HLCS: variants seen among roughly 807,000 people sequenced by gnomAD.
HLCS encodes holocarboxylase synthetase.
HLCS carries 53 observed loss-of-function variants against 75.0 expected under a neutral mutation model. That is an observed-to-expected ratio of 0.71 (90% CI 0.57 to 0.89). HLCS has a LOEUF of 0.89. Among genes scored for constraint, HLCS ranks in the 40% least tolerant of loss-of-function variants. HLCS has a pLI of 0.00. For synonymous variants in HLCS, 431 were observed against 428.6 expected, an observed-to-expected ratio of 1.01 and a Z score of -0.07; for missense variants, 966 against 1,074.0, an observed-to-expected ratio of 0.90 and a Z score of 1.41.
At chr21:36,928,285 A>G (rs939602496) in intron 5 of HLCS, among the ~76,000 whole-genome samples, 2 of 152,232 alleles carry the variant, frequency 1.3e-5, no homozygotes, top group Non-Finnish European at 2.9e-5. Flanking sequence ...GTTAATAAAC[A>G]TTAAGAGGCC....
chr21:36,936,828 A>G lies in HLCS; in HGVS notation c.1058T>C (p.Leu353Pro), dbSNP rs750774496. The change falls in exon 4 of 11, where the codon CTC becomes CCC. Residue 353 changes from leucine (L) to proline (P), a missense_variant. By Grantham distance (98) the Leu-to-Pro change is moderately conservative (BLOSUM62 -3). Transcript: ENST00000674895. ...ILYHLLEDSALRDPWTDNCLL... is the reference protein window; with the variant it reads ...ILYHLLEDSAPRDPWTDNCLL... ...ACAGTTGTCCGTCCACGGGTCTCTG[A>G]GAGCACTGTCCTCCAGCAGGTGGTA... 12 of 1,614,188 alleles carry G rather than the reference A, an allele frequency of 7.4e-6. No individual in the cohort carries two copies. In the Admixed American group the frequency reaches 1.7e-4, roughly 22 times the overall value.
chr21:36,985,495 C>T (rs974458235), intron 1 of HLCS, among the ~76,000 whole-genome samples: 1 of 151,966 alleles, frequency 6.6e-6, no homozygotes, highest in Admixed American at 6.6e-5. Context: ...TCGCTGGGCA[C>T]GGTGGCTCAC....
chr21:36,887,902 T>C (rs910192247), intron 6 of HLCS, among the ~76,000 whole-genome samples: 2 of 152,242 alleles, frequency 1.3e-5, no homozygotes, highest in African/African-American at 4.8e-5. Context: ...GGCATTAATA[T>C]GTAAAACATC....
At chr21:36,881,862 G>A (rs2064232674) in intron 6 of HLCS, among the ~76,000 whole-genome samples, 1 of 152,194 alleles carries the variant, frequency 6.6e-6, no homozygotes, top group Non-Finnish European at 1.5e-5. Flanking sequence ...GGGCTTTACA[G>A]GCATGGTGGC....
At chr21:36,812,133 C>T (rs560161925) in intron 6 of HLCS, among the ~76,000 whole-genome samples, 1 of 152,256 alleles carries the variant, frequency 6.6e-6, no homozygotes, top group African/African-American at 2.4e-5. Context: ...GGAAGCGCAT[C>T]CTTCTACAAA....
chr21:36,889,600 T>C (rs553714429), intron 6 of HLCS, among the ~76,000 whole-genome samples: 3 of 152,236 alleles, frequency 2.0e-5, no homozygotes, highest in African/African-American at 7.2e-5. Flanking sequence ...TGACAATGGA[T>C]TTGCAGTGGC....
chr21:36,911,201 G>A (rs1403787214), intron 5 of HLCS, among the ~76,000 whole-genome samples: 1 of 152,102 alleles, frequency 6.6e-6, no homozygotes, highest in Non-Finnish European at 1.5e-5. Context: ...TGGAGAACGC[G>A]CTCCAGCTGG....
At chr21:36,755,444 C>T (rs2123563926) in intron 10 of HLCS, among the ~76,000 whole-genome samples, 1 of 151,984 alleles carries the variant, frequency 6.6e-6, no homozygotes, top group Non-Finnish European at 1.5e-5. Context: ...AAGCTGCAGG[C>T]ATTGTGACAC....
chr21:36,898,446 CAAAAAAAAAAA>C (rs58625493), intron 5 of HLCS, among the ~76,000 whole-genome samples: 38 of 49,538 alleles, frequency 7.7e-4, no homozygotes, highest in Admixed American at 3.4e-3. Flanking sequence ...AACTCCATCT[CAAAAAAAAAAA>C]AAAAAAAAAG....
intron 6 of HLCS, among the ~76,000 whole-genome samples, chr21:36,853,147 C>T (rs1179127795): frequency 6.6e-6 from 1 of 152,162 alleles, no homozygotes; most frequent in Non-Finnish European, 1.5e-5. Flanking sequence ...AAAACACCTT[C>T]CCAAGAGGGC....
Position 36,748,758 on chromosome 21 carries a change from T to C in HLCS, c.*5488A>G, listed in dbSNP as rs1256764428. 1.3e-5 allele frequency: 2 copies of C among 152,642 alleles called. No homozygotes were observed. Among genetic ancestry groups the C allele is most frequent in the East Asian group, 3.8e-4 (2 of 5,196 alleles). The allele number at this position is 152,642 out of a possible 1,614,324, so 9.5% of individuals were successfully genotyped here. ...GTGCTTCCCAAATACATTAACAAGC[T>C]CTTACTTCCCCCTAACCCCTATGAA... On this transcript the variant is annotated 3_prime_UTR_variant, in exon 11 of 11. Coordinates refer to ENST00000674895, the MANE Select transcript of HLCS (RefSeq NM_001352514.2).
At chr21:36,891,330 A>C (rs73214730) in intron 6 of HLCS, among the ~76,000 whole-genome samples, 6,566 of 152,322 alleles carry the variant, frequency 0.043, 202 homozygotes, top group Non-Finnish European at 0.066. Context: ...TCTCATTTGC[A>C]GGAGAGAAAA....
chr21:36,785,028 C>A (rs542027570), intron 6 of HLCS, among the ~76,000 whole-genome samples: 2 of 152,306 alleles, frequency 1.3e-5, no homozygotes, highest in South Asian at 4.1e-4. Flanking sequence ...CACCCGGCCA[C>A]TTGGGCCCTT....
rs1032441075 is a variant in HLCS at position 36,896,638 on chromosome 21, A to T, written c.1892+222T>A. On this transcript the variant is annotated intron_variant, in intron 6 of 10. Transcript: ENST00000674895. ...GATTCAAAGAAGCAAGACACAAAGC[A>T]CAACCACCTTCCATTCCCATAAAAA... is the stretch of plus-strand genomic sequence containing the variant. 4 of 578,994 alleles carry T rather than the reference A, an allele frequency of 6.9e-6. No homozygotes were observed. The African/African-American group carries it at 7.5e-5, about 11-fold the overall frequency. 35.9% of individuals were successfully genotyped at this position (578,994 alleles called of 1,614,324 possible).
intron 8 of HLCS, among the ~76,000 whole-genome samples, chr21:36,760,746 T>TA (rs2089804139): frequency 6.6e-6 from 1 of 152,236 alleles, no homozygotes; most frequent in African/African-American, 2.4e-5. Context: ...GCGTCTTGAA[T>TA]GGTGTGGCCT....
At chr21:36,934,360 T>A (rs2066783765) in intron 4 of HLCS, among the ~76,000 whole-genome samples, 1 of 152,190 alleles carries the variant, frequency 6.6e-6, no homozygotes, top group South Asian at 2.1e-4. Flanking sequence ...CCACGAAGAA[T>A]TCTCTGACCC....
chr21:36,871,635 T>C (rs968410153), intron 6 of HLCS, among the ~76,000 whole-genome samples: 4 of 152,140 alleles, frequency 2.6e-5, no homozygotes, highest in African/African-American at 9.7e-5. Flanking sequence ...TATAAAAATA[T>C]TGACACTTTA....
chr21:36,933,496 A>T (rs2066738651), intron 4 of HLCS, among the ~76,000 whole-genome samples: 1 of 147,100 alleles, frequency 6.8e-6, no homozygotes, highest in Admixed American at 7.1e-5. Flanking sequence ...GGTTGCAGTG[A>T]GCCGAGATCG....
intron 6 of HLCS, among the ~76,000 whole-genome samples, chr21:36,866,076 T>C (rs2063543359): frequency 1.3e-5 from 2 of 152,260 alleles, no homozygotes; most frequent in Non-Finnish European, 2.9e-5. Flanking sequence ...ACTAACAGTT[T>C]CTTGAATTCA....
Sources: gnomAD v4.1 joint callset for allele counts (sites outside exome capture counted in the v4.1 genomes callset) on GRCh38, gnomAD v4.1.1 for gene constraint, MANE v1.5 for transcripts, NCBI Gene and HGNC (gene_info 2026-07-23, HGNC 2026-07-21) for gene names.